The following BRMS1L variants were observed in gnomAD, a reference collection of about 807,000 sequenced individuals.
BRMS1L encodes the protein breast cancer metastasis-suppressor 1-like protein.
A neutral mutation model predicts 50.3 loss-of-function variants in BRMS1L; 23 were observed. The observed-to-expected ratio is 0.46, with a 90% confidence interval of 0.33 to 0.65. The LOEUF is 0.65. Ranked by LOEUF, BRMS1L falls within the 30% of genes least tolerant of loss-of-function variation. BRMS1L has a pLI of 0.02. For synonymous variants in BRMS1L, 114 were observed against 126.9 expected (o/e 0.90, Z 0.69); for missense variants, 286 against 386.1 (o/e 0.74, Z 2.17).
intron 8 of BRMS1L, among the ~76,000 whole-genome samples, chr14:35,867,125 G>A (rs1308579219): frequency 6.6e-6 from 1 of 152,118 alleles, no homozygotes; most frequent in African/African-American, 2.4e-5. Context: ...GAATATACCC[G>A]ATGGTATTTT....
At chr14:35,868,208 C>T (rs1207190898) in intron 9 of BRMS1L, among the ~76,000 whole-genome samples, 176 bp downstream of exon 9, 1 of 152,080 alleles carries the variant, frequency 6.6e-6, no homozygotes, top group African/African-American at 2.4e-5. Context: ...TATGTATGAA[C>T]CAGACTTCAT....
chr14:35,826,859 G>A, intron 1 of BRMS1L: 1 of 739,978 alleles, frequency 1.4e-6, no homozygotes, highest in South Asian at 2.0e-5. Context: ...GCGGCGGGGC[G>A]GGGCGGGCCT....
chr14:35,829,923 T>G (rs1327975618), intron 1 of BRMS1L: 1 of 978,184 alleles, frequency 1.0e-6, no homozygotes, highest in East Asian at 1.0e-4. Flanking sequence ...TAACAGTTGC[T>G]TTCCTTAAAA....
chr14:35,848,004 G>A (rs1224785408), intron 4 of BRMS1L, among the ~76,000 whole-genome samples: 1 of 152,144 alleles, frequency 6.6e-6, no homozygotes, highest in African/African-American at 2.4e-5. Context: ...AAATGGTGCT[G>A]CAATGAATGT....
chr14:35,840,228 T>G (rs1276634382), intron 4 of BRMS1L, among the ~76,000 whole-genome samples: 1 of 152,174 alleles, frequency 6.6e-6, no homozygotes, highest in African/African-American at 2.4e-5. Flanking sequence ...GCCGACTTGA[T>G]TATGGTGGAT....
intron 4 of BRMS1L, among the ~76,000 whole-genome samples, chr14:35,845,817 G>T (rs764200956): frequency 6.6e-6 from 1 of 152,056 alleles, no homozygotes; most frequent in Non-Finnish European, 1.5e-5. Flanking sequence ...GTTCACCAGC[G>T]TGATCATAGT....
At chr14:35,865,624 T>G in intron 7 of BRMS1L, 98 bp from the exon 8 acceptor site, 1 of 905,664 alleles carries the variant, frequency 1.1e-6, no homozygotes. Flanking sequence ...TGTTATGGAG[T>G]TAATCGGTAA....
Position 35,868,796 on chromosome 14 carries a change from AAAC to A in BRMS1L, c.854+778_854+780del, listed in dbSNP as rs1005863401. ...TTGTCTCTCTAACAACAACAACAAC[AAAC>A]AACAACAACAACACAGTGTAACTTG... On this transcript the variant is annotated intron_variant, in intron 9 of 9. Coordinates refer to ENST00000216807, the MANE Select transcript of BRMS1L (RefSeq NM_032352.4). Among the ~76,000 whole-genome samples the A allele has an allele frequency of 1.3e-3, 202 of 152,244 alleles. 2 individuals are homozygous for A. Among genetic ancestry groups the A allele is most frequent in the African/African-American group, 4.7e-3 (194 of 41,558 alleles).
In BRMS1L at chr14:35,864,097, T is replaced by A. The variant is rs190208058; in HGVS notation, c.622+144T>A. On this transcript the variant is annotated intron_variant, in intron 6 of 9. Transcript: ENST00000216807. ...AAGATGATTTATTTATAAAACCGAT[T>A]GAAGACAGAGGATATAGTGTATACT... 3,481 of 698,560 alleles carry A rather than the reference T, an allele frequency of 5.0e-3. 8 individuals are homozygous for A. Among genetic ancestry groups the A allele is most frequent in the Non-Finnish European group, 6.9e-3 (2,816 of 410,286 alleles). 43.3% of individuals were successfully genotyped at this position (698,560 alleles called of 1,614,324 possible). A position where few individuals can be genotyped will look rare whatever the true frequency, so the allele number is the denominator to read the frequency against.
At chr14:35,844,361 T>C (rs2078105772) in intron 4 of BRMS1L, among the ~76,000 whole-genome samples, 1 of 152,102 alleles carries the variant, frequency 6.6e-6, no homozygotes, top group South Asian at 2.1e-4. Flanking sequence ...GTGAAGACCA[T>C]GGGGAAAGCG....
intron 4 of BRMS1L, among the ~76,000 whole-genome samples, chr14:35,842,831 G>C (rs2078084431): frequency 6.6e-6 from 1 of 151,994 alleles, no homozygotes; most frequent in South Asian, 2.1e-4. Flanking sequence ...ACGTAGGTTT[G>C]GTCTTTTCAC....
In BRMS1L at chr14:35,868,001, T is replaced by A. The variant is rs537456949; in HGVS notation, c.823T>A (p.Cys275Ser). 21 of 1,608,178 alleles carry A rather than the reference T, an allele frequency of 1.3e-5. No homozygotes were observed. Among genetic ancestry groups the A allele is most frequent in the Admixed American group, 3.4e-5 (2 of 58,532 alleles). ...GEWYIRGQTI[C>S]IDKKDECPTS... ...ATGGTATATACGTGGACAAACAATATGTATTGATAAAAAAGATGAATGTCC... is the reference window on the plus strand; with the variant it reads ...ATGGTATATACGTGGACAAACAATAAGTATTGATAAAAAAGATGAATGTCC... Residue 275 changes from cysteine (C) to serine (S), a missense_variant, in exon 9 of 10, where the codon TGT becomes AGT. Physicochemically the swap from Cys to Ser is moderately radical, Grantham distance 112. This residue lies in a region of BRMS1L where 49 missense variants were observed against 39.1 expected (regional missense o/e 1.25). Coordinates refer to ENST00000216807, the MANE Select transcript of BRMS1L (RefSeq NM_032352.4).
At chr14:35,857,295 GTGTGTGTA>G (rs1453541804) in intron 4 of BRMS1L, among the ~76,000 whole-genome samples, 1 of 146,506 alleles carries the variant, frequency 6.8e-6, no homozygotes, top group Non-Finnish European at 1.5e-5. Flanking sequence ...GTGTGTGTGT[GTGTGTGTA>G]TATATATATA....
chr14:35,845,375 G>A (rs2142047564), intron 4 of BRMS1L, among the ~76,000 whole-genome samples: 1 of 152,216 alleles, frequency 6.6e-6, no homozygotes, highest in East Asian at 1.9e-4. Context: ...AATGCTTTTT[G>A]TCAAGTTAAG....
intron 7 of BRMS1L, 49 bp from the exon 8 acceptor site, chr14:35,865,673 G>A (rs758523984): frequency 1.9e-5 from 27 of 1,400,336 alleles, no homozygotes; most frequent in African/African-American, 8.8e-5. Flanking sequence ...TATATTTTCA[G>A]TCTGAACTCA....
chr14:35,843,800 C>T (rs1014430853), intron 4 of BRMS1L, among the ~76,000 whole-genome samples: 1 of 152,264 alleles, frequency 6.6e-6, no homozygotes, highest in African/African-American at 2.4e-5. Context: ...ACGCCTTCCC[C>T]CAGGTGCTCT....
chr14:35,853,145 G>A (rs1199341955), intron 4 of BRMS1L, among the ~76,000 whole-genome samples: 2 of 151,774 alleles, frequency 1.3e-5, no homozygotes, highest in Admixed American at 6.6e-5. Flanking sequence ...ATTAAAAAGG[G>A]ATTTAAAAAG....
At chr14:35,857,971 C>G (rs549440421) in intron 4 of BRMS1L, among the ~76,000 whole-genome samples, 13 of 145,352 alleles carry the variant, frequency 8.9e-5, no homozygotes, top group Non-Finnish European at 1.8e-4. Flanking sequence ...CCTGAGTATT[C>G]CACAAAATAA....
At position 35,863,953 on chromosome 14, in the gene BRMS1L, GAT is replaced by G; in HGVS notation, c.622+3_622+4del. The G allele has an allele frequency of 6.2e-7, 1 of 1,612,574 alleles. No individual in the cohort carries two copies. The highest frequency in any genetic ancestry group is 8.5e-7 in the Non-Finnish European group (1 of 1,179,478). On this transcript the variant is annotated splice_donor_variant, in intron 6 of 9. Transcript: ENST00000216807. LOFTEE classifies it high-confidence loss of function. ...CAAAAAGAAGCCAGTTGTTGTTTCAGATATCCTTTTCCAAATTTTCTGTTTTT... is the reference window on the plus strand; with the variant it reads ...CAAAAAGAAGCCAGTTGTTGTTTCAGATCCTTTTCCAAATTTTCTGTTTTT...
Sources: gnomAD v4.1 joint callset for allele counts (sites outside exome capture counted in the v4.1 genomes callset) on GRCh38, gnomAD v4.1.1 for gene constraint, gnomAD v4.1.1 regional missense constraint, MANE v1.5 for transcripts, NCBI Gene and HGNC (gene_info 2026-07-23, HGNC 2026-07-21) for gene names.